The following LDB2 variants were observed in gnomAD, a reference collection of about 807,000 sequenced individuals.
The protein encoded by LDB2 is LIM domain binding 2.
In LDB2, 12 loss-of-function variants were observed where a neutral mutation model predicts 44.3. The observed-to-expected ratio is 0.27, with a 90% CI of 0.17 to 0.44. The LOEUF (loss-of-function observed/expected upper bound fraction) is 0.44, where lower values mean the gene tolerates loss of function less well. Among genes scored for constraint, LDB2 ranks in the 20% least tolerant of loss-of-function variants. The pLI is 1.00. For missense variants in LDB2, 344 were observed against 473.5 expected (o/e 0.73, Z 2.54); for synonymous variants, 164 against 174.8 (o/e 0.94, Z 0.49).
intron 1 of LDB2, among the ~76,000 whole-genome samples, chr4:16,868,863 T>C (rs1452520647): frequency 6.6e-6 from 1 of 152,146 alleles, no homozygotes; most frequent in East Asian, 1.9e-4. Context: ...ATGATGATGC[T>C]GTTGACAATG....
intron 7 of LDB2, chr4:16,505,819 C>A (rs1048607864): frequency 1.3e-6 from 2 of 1,524,242 alleles, no homozygotes; most frequent in African/African-American, 2.8e-5. Flanking sequence ...CTCACTAATC[C>A]CCCGTGCAAA....
At chr4:16,633,130 CT>C (rs1421699345) in intron 2 of LDB2, among the ~76,000 whole-genome samples, 5 of 152,162 alleles carry the variant, frequency 3.3e-5, no homozygotes, top group Non-Finnish European at 5.9e-5. Flanking sequence ...AGTTCATGTC[CT>C]TTGCAGGGAC....
chr4:16,698,385 A>C (rs531201964), intron 2 of LDB2, among the ~76,000 whole-genome samples: 99 of 152,316 alleles, frequency 6.5e-4, no homozygotes, highest in African/African-American at 2.3e-3. Flanking sequence ...CACCATTTGC[A>C]CACCCAGCAG....
rs1712890771 is a variant in LDB2 at position 16,862,306 on chromosome 4, T to G, written c.132+36048A>C. 2.6e-5 allele frequency among the ~76,000 whole-genome samples: 4 copies of G among 151,896 alleles called. 1 individual carries two copies. In the South Asian group the frequency reaches 8.3e-4, roughly 32 times the overall value. ...AGGAGAAGCCCAAGTTTGATACCAG[T>G]GTAAGGATGGAAGCCGTTCTAATCT... On this transcript the variant is annotated intron_variant, in intron 1 of 7. Transcript: ENST00000304523.
At chr4:16,779,080 A>G (rs1170021238) in intron 1 of LDB2, among the ~76,000 whole-genome samples, 1 of 152,198 alleles carries the variant, frequency 6.6e-6, no homozygotes, top group African/African-American at 2.4e-5. Context: ...TGTTCTAGGA[A>G]ACATGGGGGA....
chr4:16,628,278 G>T (rs929017228), intron 2 of LDB2, among the ~76,000 whole-genome samples: 7 of 152,144 alleles, frequency 4.6e-5, no homozygotes, highest in Non-Finnish European at 8.8e-5. Flanking sequence ...TTCCAGGAAG[G>T]CCTTGAAAAA....
chr4:16,535,807 A>G (rs996834565), intron 5 of LDB2, among the ~76,000 whole-genome samples: 1 of 152,236 alleles, frequency 6.6e-6, no homozygotes, highest in Non-Finnish European at 1.5e-5. Context: ...TATTATCACC[A>G]TATGTAAACA....
chr4:16,559,333 A>C (rs1741110679), intron 5 of LDB2, among the ~76,000 whole-genome samples: 2 of 152,242 alleles, frequency 1.3e-5, no homozygotes, highest in South Asian at 4.1e-4. Flanking sequence ...TCACATGCAG[A>C]GACACACATG....
At chr4:16,777,021 A>G (rs1474132844) in intron 1 of LDB2, among the ~76,000 whole-genome samples, 1 of 152,146 alleles carries the variant, frequency 6.6e-6, no homozygotes, top group East Asian at 1.9e-4. Flanking sequence ...ACATTGCCAG[A>G]TGTCCTTGGG....
chr4:16,505,333 TTGTGTGTGTGTGTGAGAGAGAGAGAGCG>T (rs1718933453), intron 7 of LDB2, among the ~76,000 whole-genome samples: 1 of 151,532 alleles, frequency 6.6e-6, no homozygotes, highest in African/African-American at 2.4e-5. Context: ...AGATACTTAG[TTGTGTGTGTGTGTGAGAGAGAGAGAGCG>T]TGTGTGTGTG....
intron 1 of LDB2, among the ~76,000 whole-genome samples, chr4:16,861,781 C>T (rs1580303982): frequency 6.6e-6 from 1 of 152,348 alleles, no homozygotes; most frequent in East Asian, 1.9e-4. Context: ...ACAAACTACG[C>T]CTTGCCAGTC....
At position 16,563,045 on chromosome 4, in the gene LDB2, A is replaced by G. The variant is rs558065636; in HGVS notation, c.615+22877T>C. ...AACACATGGACACAGGAAGGGGAAC[A>G]TCACACTCTGGGGACTGTTGTGGGG... On this transcript the variant is annotated intron_variant, in intron 5 of 7. Transcript: ENST00000304523. Among the ~76,000 whole-genome samples, 504 of 151,824 alleles carry G rather than the reference A, an allele frequency of 3.3e-3. 5 individuals carry two copies. Among genetic ancestry groups the G allele is most frequent in the African/African-American group, 0.012 (477 of 41,368 alleles).
At chr4:16,573,326 C>T (rs1016207577) in intron 5 of LDB2, among the ~76,000 whole-genome samples, 15 of 152,112 alleles carry the variant, frequency 9.9e-5, no homozygotes, top group Non-Finnish European at 1.6e-4. Flanking sequence ...TGGTCCTTTC[C>T]AAACTGCCTG....
intron 2 of LDB2, among the ~76,000 whole-genome samples, chr4:16,739,729 T>C (rs1340085584): frequency 2.5e-5 from 3 of 118,886 alleles, no homozygotes; most frequent in African/African-American, 1.0e-4. Context: ...TATACATATA[T>C]GTGTATATAC....
intron 5 of LDB2, among the ~76,000 whole-genome samples, chr4:16,524,179 A>T (rs1727335688): frequency 6.6e-6 from 1 of 152,232 alleles, no homozygotes; most frequent in Non-Finnish European, 1.5e-5. Flanking sequence ...TGTATCACAT[A>T]GTATTTATCA....
At chr4:16,689,589 T>C (rs1172258631) in intron 2 of LDB2, among the ~76,000 whole-genome samples, 2 of 152,226 alleles carry the variant, frequency 1.3e-5, no homozygotes, top group East Asian at 3.9e-4. Flanking sequence ...ACTCTTCCAC[T>C]TAGAAGCTGT....
At chr4:16,506,771 T>A (rs1033067674) in intron 7 of LDB2, 1 of 152,200 alleles carries the variant, frequency 6.6e-6, no homozygotes, top group African/African-American at 2.4e-5. Context: ...TTCACCTTGG[T>A]ATTGCTAGTA....
intron 2 of LDB2, among the ~76,000 whole-genome samples, chr4:16,634,518 A>T (rs1732994210): frequency 6.6e-6 from 1 of 152,224 alleles, no homozygotes; most frequent in South Asian, 2.1e-4. Flanking sequence ...GAAGACATTT[A>T]TGCAGCCAAC....
chr4:16,783,337 G>A (rs16893995), intron 1 of LDB2, among the ~76,000 whole-genome samples: 3,149 of 152,334 alleles, frequency 0.021, 118 homozygotes, highest in African/African-American at 0.071. Flanking sequence ...CAGGAAGGGG[G>A]AGCCCCATGG....
Sources: gnomAD v4.1 joint callset for allele counts (sites outside exome capture counted in the v4.1 genomes callset) on GRCh38, gnomAD v4.1.1 for gene constraint, MANE v1.5 for transcripts, NCBI Gene and HGNC (gene_info 2026-07-23, HGNC 2026-07-21) for gene names.